Variants in DLGAP1 observed in about 807,000 individuals in gnomAD.
The protein encoded by DLGAP1 is DLG associated protein 1.
DLGAP1 carries 11 observed loss-of-function variants against 90.8 expected under a neutral mutation model. The observed-to-expected ratio is 0.12, with a 90% CI of 0.08 to 0.20. The LOEUF (loss-of-function observed/expected upper bound fraction) is 0.20. DLGAP1 is among the 10% of genes least tolerant of loss of function. DLGAP1 has a pLI of 1.00. For synonymous variants in DLGAP1, 558 were observed against 540.7 expected (o/e 1.03, Z -0.44); for missense variants, 1,050 against 1,333.8 (o/e 0.79, Z 3.31).
chr18:4,258,674 C>T (rs531082361), intron 1 of DLGAP1, among the ~76,000 whole-genome samples: 3 of 152,182 alleles, frequency 2.0e-5, no homozygotes, highest in African/African-American at 7.2e-5. Flanking sequence ...AAATTAATAA[C>T]ATTTAATTGA....
intron 5 of DLGAP1, among the ~76,000 whole-genome samples, chr18:3,761,265 T>A (rs1169285785): frequency 3.9e-5 from 6 of 152,176 alleles, no homozygotes; most frequent in African/African-American, 1.4e-4. Flanking sequence ...CCCCAGCCTC[T>A]GGCAACCAAC....
chr18:3,759,309 G>T (rs909657017), intron 5 of DLGAP1, among the ~76,000 whole-genome samples: 6 of 150,794 alleles, frequency 4.0e-5, no homozygotes, highest in Non-Finnish European at 5.9e-5. Flanking sequence ...ATTTCTGAAT[G>T]CTCAACTGGA....
At chr18:3,914,390 T>TC (rs940533717) in intron 3 of DLGAP1, among the ~76,000 whole-genome samples, 40 of 27,188 alleles carry the variant, frequency 1.5e-3, no homozygotes, top group African/African-American at 6.1e-3. Flanking sequence ...GATTTCTTTC[T>TC]TTTTAAGACT....
chr18:3,845,327 T>C (rs1425953968), intron 4 of DLGAP1: 3 of 1,589,408 alleles, frequency 1.9e-6, no homozygotes, highest in African/African-American at 1.3e-5. Flanking sequence ...TGAGAGCATT[T>C]AGCTTCTCTC....
intron 3 of DLGAP1, among the ~76,000 whole-genome samples, chr18:3,971,067 T>A (rs1205336586): frequency 6.6e-6 from 1 of 152,198 alleles, no homozygotes; most frequent in African/African-American, 2.4e-5. Flanking sequence ...CCACATCTAT[T>A]CCAGGTTATT....
chr18:3,867,469 G>A (rs151319428), intron 4 of DLGAP1, among the ~76,000 whole-genome samples: 2 of 152,138 alleles, frequency 1.3e-5, no homozygotes, highest in Non-Finnish European at 2.9e-5. Flanking sequence ...GAGGGTTCAC[G>A]GGGTGGGGAA....
intron 7 of DLGAP1, among the ~76,000 whole-genome samples, chr18:3,590,357 T>C (rs2056161874): frequency 1.3e-5 from 2 of 152,210 alleles, no homozygotes; most frequent in South Asian, 4.1e-4. Flanking sequence ...CTTGAAATTG[T>C]TGACCTTGGT....
At chr18:3,650,941 C>T (rs1414559743) in intron 7 of DLGAP1, among the ~76,000 whole-genome samples, 1 of 151,624 alleles carries the variant, frequency 6.6e-6, no homozygotes, top group African/African-American at 2.4e-5. Context: ...TCATGCGTGC[C>T]TGGAATCCCA....
At chr18:3,846,072 G>C (rs1393883990) in intron 4 of DLGAP1, among the ~76,000 whole-genome samples, 1 of 151,770 alleles carries the variant, frequency 6.6e-6, no homozygotes, top group Admixed American at 6.6e-5. Flanking sequence ...GTGTGTGTGT[G>C]TGTGTGTGTC....
chr18:4,081,562 G>A (rs7244888), intron 2 of DLGAP1, among the ~76,000 whole-genome samples: 41,544 of 151,860 alleles, frequency 0.27, 5,962 homozygotes, highest in Non-Finnish European at 0.31. Context: ...TCTCTCTCTC[G>A]CAAAGTAAGG....
intron 2 of DLGAP1, among the ~76,000 whole-genome samples, chr18:4,094,483 T>C (rs576799295): frequency 7.6e-4 from 115 of 152,248 alleles, no homozygotes; most frequent in Non-Finnish European, 1.5e-3. Flanking sequence ...GTTTGTGTCC[T>C]ATATCATGTA....
chr18:4,080,584 T>A (rs887248815), intron 2 of DLGAP1, among the ~76,000 whole-genome samples: 3 of 152,172 alleles, frequency 2.0e-5, no homozygotes, highest in Non-Finnish European at 4.4e-5. Flanking sequence ...TAGGAAAAGA[T>A]TAACAGAGTC....
intron 3 of DLGAP1, among the ~76,000 whole-genome samples, chr18:3,953,230 A>G (rs1392836519): frequency 6.6e-6 from 1 of 152,192 alleles, no homozygotes; most frequent in Non-Finnish European, 1.5e-5. Context: ...GGTTTCTTAC[A>G]TGCATATATT....
At chr18:3,593,766 T>A (rs376248150) in intron 7 of DLGAP1, 1 of 152,284 alleles carries the variant, frequency 6.6e-6, no homozygotes, top group Non-Finnish European at 1.5e-5. Context: ...CCGCCTCTTC[T>A]GGGGAGAGCA....
chr18:4,341,313 C>A (rs1043613505), intron 1 of DLGAP1, among the ~76,000 whole-genome samples: 1 of 151,976 alleles, frequency 6.6e-6, no homozygotes, highest in South Asian at 2.1e-4. Flanking sequence ...AAACAAAAAT[C>A]GCTTATGTAC....
chr18:3,555,811 A>G (rs1599216041), intron 9 of DLGAP1, among the ~76,000 whole-genome samples: 1 of 152,032 alleles, frequency 6.6e-6, no homozygotes, highest in South Asian at 2.1e-4. Flanking sequence ...ACTCCGTCTC[A>G]AAAAAAATAA....
intron 1 of DLGAP1, among the ~76,000 whole-genome samples, chr18:4,204,878 T>C (rs1433879124): frequency 4.3e-5 from 1 of 23,432 alleles, no homozygotes; most frequent in Non-Finnish European, 8.0e-5. Flanking sequence ...CTTTTCCCAA[T>C]TTTTTTTTTT....
At chr18:4,217,027 A>G (rs935636810) in intron 1 of DLGAP1, among the ~76,000 whole-genome samples, 3 of 152,098 alleles carry the variant, frequency 2.0e-5, no homozygotes, top group East Asian at 3.9e-4. Context: ...CCTGTGTTCC[A>G]TATATCCGTC....
At chr18:3,969,636 T>TA (rs1373249893) in intron 3 of DLGAP1, among the ~76,000 whole-genome samples, 2 of 152,172 alleles carry the variant, frequency 1.3e-5, no homozygotes, top group African/African-American at 4.8e-5. Context: ...GGTCTATTCT[T>TA]AAAAAAAATC....
Sources: allele counts gnomAD v4.1 joint callset (sites outside exome capture counted in the v4.1 genomes callset), GRCh38; gene constraint gnomAD v4.1.1; transcripts MANE v1.5; gene names NCBI Gene and HGNC (gene_info 2026-07-23, HGNC 2026-07-21).